Variants in DCAF8L2 observed in about 807,000 individuals in gnomAD.
DCAF8L2 encodes DDB1 and CUL4 associated factor 8 like 2.
For synonymous variants in DCAF8L2, 200 were observed against 190.9 expected, an observed-to-expected ratio of 1.05 and a Z score of -0.39; for missense variants, 430 against 490.7, an observed-to-expected ratio of 0.88 and a Z score of 1.17.
chrX:27,498,414 GC>G, the DCAF8L2 span, among the ~76,000 whole-genome samples: 2 of 112,198 alleles, frequency 1.8e-5, no homozygotes, highest in Non-Finnish European at 3.8e-5. Context: ...GCTTTTTTCA[GC>G]TTTGCTGAGG....
the DCAF8L2 span, among the ~76,000 whole-genome samples, chrX:27,577,414 ATTC>A: frequency 8.9e-6 from 1 of 111,944 alleles, no homozygotes; most frequent in Non-Finnish European, 1.9e-5. Context: ...TTGGCTCTGC[ATTC>A]TTCCTTCCCC....
the DCAF8L2 span, among the ~76,000 whole-genome samples, chrX:27,546,142 C>T: frequency 9.1e-6 from 1 of 110,403 alleles, no homozygotes; most frequent in East Asian, 2.8e-4. Flanking sequence ...ACACCCATTC[C>T]AAATGGGATA....
the DCAF8L2 span, chrX:27,518,597 G>A: frequency 3.8e-6 from 1 of 266,491 alleles, no homozygotes; most frequent in African/African-American, 2.8e-5. Context: ...AAATTAGCCG[G>A]GCTTGGTGGC....
chrX:27,509,662 T>C, the DCAF8L2 span, among the ~76,000 whole-genome samples: 12 of 112,047 alleles, frequency 1.1e-4, no homozygotes, highest in Admixed American at 9.5e-4. Context: ...TAAATGTCAG[T>C]AAAATTGAGA....
the DCAF8L2 span, among the ~76,000 whole-genome samples, chrX:27,480,408 C>T: frequency 8.9e-6 from 1 of 112,197 alleles, no homozygotes; most frequent in Non-Finnish European, 1.9e-5. Flanking sequence ...CTGCAAACAA[C>T]ATCATGCATG....
the DCAF8L2 span, among the ~76,000 whole-genome samples, chrX:27,573,254 T>TCTCACACACACA: frequency 2.0e-5 from 2 of 99,710 alleles, no homozygotes; most frequent in African/African-American, 7.6e-5. Flanking sequence ...TCTCTCTCTC[T>TCTCACACACACA]CACACACACA....
intron 2 of DCAF8L2, among the ~76,000 whole-genome samples, chrX:27,646,589 C>T (rs1928945898): frequency 9.0e-6 from 1 of 111,282 alleles, no homozygotes; most frequent in South Asian, 3.7e-4. Flanking sequence ...AGCTTCTGTA[C>T]AGTAAAGGAA....
At chrX:27,525,754 T>C in the DCAF8L2 span, among the ~76,000 whole-genome samples, 3 of 111,691 alleles carry the variant, frequency 2.7e-5, no homozygotes, top group Non-Finnish European at 5.6e-5. Context: ...TTTGCTTGTC[T>C]GTAAAGGATT....
At chrX:27,638,082 A>G (rs1052608347) in intron 2 of DCAF8L2, among the ~76,000 whole-genome samples, 3 of 112,104 alleles carry the variant, frequency 2.7e-5, no homozygotes, top group African/African-American at 9.7e-5. Context: ...GTTAGGTAGG[A>G]AAAGTCTTAG....
the DCAF8L2 span, among the ~76,000 whole-genome samples, chrX:27,541,047 T>A: frequency 2.7e-5 from 3 of 111,666 alleles, no homozygotes; most frequent in Admixed American, 1.9e-4. Context: ...GGGCTGCAGG[T>A]TCCTCTTGGC....
the DCAF8L2 span, among the ~76,000 whole-genome samples, chrX:27,551,474 AC>A: frequency 9.0e-6 from 1 of 111,180 alleles, no homozygotes; most frequent in Non-Finnish European, 1.9e-5. Context: ...TGAAACCATA[AC>A]TTTTATATGC....
At chrX:27,610,108 C>A (rs912587958) in intron 1 of DCAF8L2, among the ~76,000 whole-genome samples, 3 of 111,620 alleles carry the variant, frequency 2.7e-5, no homozygotes, top group Admixed American at 9.6e-5. Context: ...ATAATGCCTA[C>A]CATCAAAAAC....
chrX:27,732,130 A>G (rs1350130020), intron 4 of DCAF8L2, among the ~76,000 whole-genome samples: 1 of 111,668 alleles, frequency 9.0e-6, no homozygotes, highest in Non-Finnish European at 1.9e-5. Flanking sequence ...AGTTACCCTT[A>G]TTTGTGATAA....
At chrX:27,494,046 A>G in the DCAF8L2 span, among the ~76,000 whole-genome samples, 467 of 111,911 alleles carry the variant, frequency 4.2e-3, 1 homozygote, top group African/African-American at 0.014. Context: ...TACTACATAT[A>G]ATGCTTCTAT....
At chrX:27,673,893 T>A (rs1930050623) in intron 2 of DCAF8L2, among the ~76,000 whole-genome samples, 1 of 111,183 alleles carries the variant, frequency 9.0e-6, no homozygotes, top group Admixed American at 9.7e-5. Flanking sequence ...TTTGCACAGC[T>A]AGAAAGTAGA....
intron 1 of DCAF8L2, among the ~76,000 whole-genome samples, chrX:27,600,659 G>T (rs938291077): frequency 8.9e-6 from 1 of 112,058 alleles, no homozygotes; most frequent in Non-Finnish European, 1.9e-5. Flanking sequence ...AGAGTGCAGA[G>T]TTGTATTTGT....
the DCAF8L2 span, among the ~76,000 whole-genome samples, chrX:27,488,821 A>T: frequency 1.8e-5 from 2 of 109,176 alleles, no homozygotes; most frequent in African/African-American, 6.7e-5. Context: ...ATGTCCCACT[A>T]ATTTTTTTTT....
the DCAF8L2 span, chrX:27,518,962 T>C: frequency 1.6e-6 from 1 of 619,914 alleles, no homozygotes. Flanking sequence ...TTTTGTTTTT[T>C]ATGCACCTCA....
chrX:27,520,258 C>T, the DCAF8L2 span, among the ~76,000 whole-genome samples: 1 of 111,729 alleles, frequency 9.0e-6, no homozygotes, highest in Admixed American at 9.6e-5. Flanking sequence ...GAATATTAAA[C>T]CCCAATATTC....
Sources: gnomAD v4.1 joint callset for allele counts (sites outside exome capture counted in the v4.1 genomes callset) on GRCh38, gnomAD v4.1.1 for gene constraint, MANE v1.5 for transcripts, NCBI Gene and HGNC (gene_info 2026-07-23, HGNC 2026-07-21) for gene names.